DNM2: variants seen among roughly 807,000 people sequenced by gnomAD.
DNM2 encodes dynamin 2, also known as dynamin-2.
DNM2 carries 15 observed loss-of-function variants against 99.0 expected under a neutral mutation model. The ratio of observed to expected loss-of-function variants is 0.15; its 90% CI spans 0.10 to 0.23. The LOEUF (loss-of-function observed/expected upper bound fraction) is 0.23, where lower values mean the gene tolerates loss of function less well. Among genes scored for constraint, DNM2 ranks in the 10% least tolerant of loss-of-function variants. The pLI is 1.00. For synonymous variants in DNM2, 525 were observed against 481.2 expected (o/e 1.09, Z -1.19); for missense variants, 742 against 1,189.4 (o/e 0.62, Z 5.53).
At chr19:10,752,326 C>T (rs2070225764) in intron 1 of DNM2, among the ~76,000 whole-genome samples, 1 of 152,220 alleles carries the variant, frequency 6.6e-6, no homozygotes, top group Admixed American at 6.5e-5. Flanking sequence ...ATACCCCAGG[C>T]CCAGAAAGTC....
At chr19:10,750,194 C>T (rs1281667425) in intron 1 of DNM2, among the ~76,000 whole-genome samples, 1 of 152,102 alleles carries the variant, frequency 6.6e-6, no homozygotes, top group Non-Finnish European at 1.5e-5. Context: ...TGCAATAGTA[C>T]TAGGCTAGGT....
chr19:10,776,658 G>A (rs2071165819), intron 4 of DNM2, among the ~76,000 whole-genome samples: 1 of 152,222 alleles, frequency 6.6e-6, no homozygotes, highest in Non-Finnish European at 1.5e-5. Flanking sequence ...GTGGAGAGGT[G>A]GAATTGGATG....
rs898951202 is a variant in DNM2, at chr19:10,808,210, C to T, written c.1546-359C>T. Among the ~76,000 whole-genome samples, 8 of 152,078 alleles carry T rather than the reference C, an allele frequency of 5.3e-5. No homozygotes were observed. The East Asian group carries it at 7.7e-4, about 15-fold the overall frequency. Reference sequence around the variant, plus strand: ...CGCAAAATTTCTGCCTATGTCCCTCCCTTCTCCCCATTGGGCAGGGGTGGG... The same window carrying T: ...CGCAAAATTTCTGCCTATGTCCCTCTCTTCTCCCCATTGGGCAGGGGTGGG... On this transcript the variant is annotated intron_variant, in intron 13 of 20. Transcript: ENST00000389253.
rs1319467244 is a variant in DNM2 at position 10,817,871 on chromosome 19, C to A, written c.1672-2109C>A. On this transcript the variant is annotated intron_variant, in intron 15 of 20. Transcript: ENST00000389253. This position sits in a 1 kb window ranked among gnomAD's most constrained non-coding sequence, Gnocchi z 4.6. The stretch of plus-strand genomic sequence containing the variant: ...GCACCAGGAAGGCGGCCACTGATTT[C>A]TCGGCGGAATCGCACTGTAAACAGT... Among the ~76,000 whole-genome samples, 1 of 151,880 alleles carries A rather than the reference C, an allele frequency of 6.6e-6. No homozygotes were observed.
At chr19:10,799,943 C>T (rs911830177) in intron 11 of DNM2, among the ~76,000 whole-genome samples, 30 of 151,962 alleles carry the variant, frequency 2.0e-4, no homozygotes, top group Non-Finnish European at 2.9e-5. Context: ...AGCACTGGGC[C>T]GTCCTTATAC....
At chr19:10,719,889 C>G (rs923598358) in intron 1 of DNM2, among the ~76,000 whole-genome samples, 45 of 152,316 alleles carry the variant, frequency 3.0e-4, no homozygotes, top group Non-Finnish European at 3.8e-4. Context: ...CTTGTGTCTG[C>G]CATCCCAGAG....
intron 1 of DNM2, among the ~76,000 whole-genome samples, chr19:10,742,844 A>T (rs1246651513): frequency 6.6e-6 from 1 of 151,856 alleles, no homozygotes; most frequent in African/African-American, 2.4e-5. Context: ...AGCCCTGTGA[A>T]GGTGGAAGAA....
chr19:10,808,190 A>C (rs1289551008), intron 13 of DNM2, among the ~76,000 whole-genome samples: 1 of 151,910 alleles, frequency 6.6e-6, no homozygotes, highest in African/African-American at 2.4e-5. Flanking sequence ...ATCTTCGCAA[A>C]ATTTCTGCCT....
chr19:10,807,805 G>A (rs184437600), intron 13 of DNM2, among the ~76,000 whole-genome samples: 12 of 148,706 alleles, frequency 8.1e-5, no homozygotes, highest in Non-Finnish European at 1.2e-4. Context: ...CGCCTCGCCC[G>A]GACAAAGTGC....
At chr19:10,718,798 C>T (rs1035047904) in intron 1 of DNM2, among the ~76,000 whole-genome samples, 2 of 152,202 alleles carry the variant, frequency 1.3e-5, no homozygotes, top group Non-Finnish European at 2.9e-5. Flanking sequence ...ATTGGGGCGA[C>T]CGCTGCGGTC....
chr19:10,718,608 A>C, intron 1 of DNM2: 1 of 744,782 alleles, frequency 1.3e-6, no homozygotes, highest in Non-Finnish European at 1.8e-6. Flanking sequence ...CCCGGGCCCC[A>C]GGGGCGGTGT....
In DNM2 at chr19:10,795,652, C is replaced by A; in HGVS notation, c.1196+213C>A. On this transcript the variant is annotated intron_variant, in intron 9 of 20. Transcript: ENST00000389253. The surrounding 1 kb of genome is among the most constrained non-coding windows in gnomAD (Gnocchi z 4.2). ...CCTGCGTCCATTGCAGGCTTCAGGG[C>A]TGTCTGCAGCTCCTGATCAAATAGG... 1.6e-6 allele frequency: 1 copy of A among 610,366 alleles called. No individual in the cohort carries two copies. The highest frequency in any genetic ancestry group is 2.8e-5 in the East Asian group (1 of 35,382). The allele number at this position is 610,366 out of a possible 1,614,324, so 37.8% of individuals were successfully genotyped here. A position where few individuals can be genotyped will look rare whatever the true frequency, so the allele number is the denominator to read the frequency against.
At chr19:10,720,847 G>A (rs2145652401) in intron 1 of DNM2, among the ~76,000 whole-genome samples, 2 of 152,316 alleles carry the variant, frequency 1.3e-5, no homozygotes, top group South Asian at 4.1e-4. Flanking sequence ...AGGGACAAAA[G>A]CTAACCAGAA....
At chr19:10,828,534 C>T (rs2073224709) in intron 18 of DNM2, among the ~76,000 whole-genome samples, 1 of 151,244 alleles carries the variant, frequency 6.6e-6, no homozygotes, top group Admixed American at 6.6e-5. Flanking sequence ...TTGCAGTGAG[C>T]TGAGATTGCA....
Position 10,831,357 on chromosome 19 carries a change from G to A in DNM2, c.*310G>A, listed in dbSNP as rs1474730629. ...CCTGAATGAGGGGTCCAGCCTGGGG[G>A]GGACTCTACCAAGGTCTTCTTGGGC... On this transcript the variant is annotated 3_prime_UTR_variant, in exon 21 of 21. Transcript: ENST00000389253. The surrounding 1 kb of genome is among the most constrained non-coding windows in gnomAD (Gnocchi z 4.3). The A allele has an allele frequency of 7.0e-6, 8 of 1,150,638 alleles. No homozygotes were observed. Among genetic ancestry groups the A allele is most frequent in the Non-Finnish European group, 8.6e-6 (8 of 934,740 alleles). The allele number at this position is 1,150,638 out of a possible 1,614,324, so 71.3% of individuals were successfully genotyped here.
At chr19:10,759,858 G>C (rs774073781) in intron 2 of DNM2, 47 bp downstream of exon 2, 1 of 1,612,882 alleles carries the variant, frequency 6.2e-7, no homozygotes, top group Non-Finnish European at 8.5e-7. Flanking sequence ...ATGTGGATGT[G>C]TGGTTGCCAG....
chr19:10,719,037 C>T (rs1371800526), intron 1 of DNM2, among the ~76,000 whole-genome samples: 1 of 152,176 alleles, frequency 6.6e-6, no homozygotes, highest in Non-Finnish European at 1.5e-5. Context: ...GTGACACCAG[C>T]TGGCCTCTAC....
chr19:10,784,819 A>AAGTT (rs2071499896), intron 6 of DNM2, among the ~76,000 whole-genome samples: 1 of 99,464 alleles, frequency 1.0e-5, no homozygotes, highest in Admixed American at 1.4e-4. Flanking sequence ...TTTTTTGATG[A>AAGTT]TTTTTTTTTT....
chr19:10,760,561 C>T (rs2145859126), intron 2 of DNM2, among the ~76,000 whole-genome samples: 1 of 152,250 alleles, frequency 6.6e-6, no homozygotes, highest in South Asian at 2.1e-4. Flanking sequence ...AGTTGTCCCC[C>T]AGATATCTGG....
Sources: allele counts gnomAD v4.1 joint callset (sites outside exome capture counted in the v4.1 genomes callset), GRCh38; gene constraint gnomAD v4.1.1; non-coding constraint Gnocchi (gnomAD v3.1); transcripts MANE v1.5; gene names NCBI Gene and HGNC (gene_info 2026-07-23, HGNC 2026-07-21).